FHAD1: variants seen among roughly 807,000 people sequenced by gnomAD.
FHAD1 encodes the protein forkhead-associated domain-containing protein 1.
Under a neutral mutation model 191.3 loss-of-function variants are expected in FHAD1, and 146 were observed. The ratio of observed to expected loss-of-function variants is 0.76; its 90% CI spans 0.67 to 0.88. The LOEUF is 0.88. Among genes scored for constraint, FHAD1 ranks in the 40% least tolerant of loss-of-function variants. The probability of loss-of-function intolerance (pLI) is 0.00; values close to 1 mark genes in which losing one functional copy is unlikely to be tolerated. For missense variants in FHAD1, 1,635 were observed against 1,785.8 expected (o/e 0.92, Z 1.52); for synonymous variants, 616 against 672.3 (o/e 0.92, Z 1.29).
intron 1 of FHAD1, among the ~76,000 whole-genome samples, chr1:15,249,895 G>T (rs1031554867): frequency 2.0e-5 from 3 of 152,122 alleles, no homozygotes; most frequent in Non-Finnish European, 4.4e-5. Flanking sequence ...CAATCTCCCT[G>T]CCCGAATGCT....
intron 2 of FHAD1, among the ~76,000 whole-genome samples, chr1:15,260,049 T>A (rs1291650928): frequency 7.2e-5 from 11 of 152,196 alleles, no homozygotes; most frequent in African/African-American, 2.7e-4. Context: ...TGGAACCCCC[T>A]CCTCAAAAGG....
At chr1:15,315,700 G>A (rs941211970) in intron 8 of FHAD1, among the ~76,000 whole-genome samples, 1 of 151,886 alleles carries the variant, frequency 6.6e-6, no homozygotes. Flanking sequence ...GTTAGCCAGG[G>A]TGGTCTCAAT....
At chr1:15,319,129 C>T (rs191442112) in intron 10 of FHAD1, among the ~76,000 whole-genome samples, 4 of 152,268 alleles carry the variant, frequency 2.6e-5, no homozygotes, top group Non-Finnish European at 5.9e-5. Flanking sequence ...CACGCCCAAC[C>T]ACAACTGAGA....
At chr1:15,263,024 G>A (rs1651796351) in intron 2 of FHAD1, among the ~76,000 whole-genome samples, 1 of 152,068 alleles carries the variant, frequency 6.6e-6, no homozygotes, top group Non-Finnish European at 1.5e-5. Context: ...ATCTCCTTGT[G>A]GTTTTGATTT....
chr1:15,385,316 T>C (rs1031700515), intron 31 of FHAD1, among the ~76,000 whole-genome samples: 3 of 152,176 alleles, frequency 2.0e-5, no homozygotes, highest in African/African-American at 4.8e-5. Context: ...TCGATTTTTT[T>C]CCACGTCTCC....
At chr1:15,324,174 T>C (rs912729109) in intron 10 of FHAD1, among the ~76,000 whole-genome samples, 2 of 152,198 alleles carry the variant, frequency 1.3e-5, no homozygotes, top group Non-Finnish European at 2.9e-5. Context: ...GAAATGACTT[T>C]GCTGAGGTCA....
chr1:15,264,833 T>C (rs931405895), intron 2 of FHAD1, among the ~76,000 whole-genome samples: 1 of 152,198 alleles, frequency 6.6e-6, no homozygotes, highest in Non-Finnish European at 1.5e-5. Context: ...TTTATTATGT[T>C]GATGTAGTTT....
intron 3 of FHAD1, 41 bp downstream of exon 3, chr1:15,272,570 T>C (rs1165069455): frequency 1.3e-6 from 2 of 1,517,952 alleles, no homozygotes; most frequent in Non-Finnish European, 1.8e-6. Flanking sequence ...CCATGTCGCC[T>C]TCGTGCAGCC....
At chr1:15,281,317 T>G (rs1660514966) in intron 3 of FHAD1, among the ~76,000 whole-genome samples, 1 of 152,138 alleles carries the variant, frequency 6.6e-6, no homozygotes, top group Non-Finnish European at 1.5e-5. Flanking sequence ...TAGGGTAAAA[T>G]TGAGTAAGAT....
At chr1:15,358,905 C>T (rs752157995) in intron 21 of FHAD1, among the ~76,000 whole-genome samples, 5 of 152,076 alleles carry the variant, frequency 3.3e-5, no homozygotes, top group Non-Finnish European at 4.4e-5. Context: ...GGGTGTGGAA[C>T]GTGGTGTAGA....
At chr1:15,367,651 G>T (rs892089827) in intron 25 of FHAD1, 29 bp downstream of exon 25, 6 of 642,910 alleles carry the variant, frequency 9.3e-6, no homozygotes, top group Non-Finnish European at 1.1e-5. Flanking sequence ...GGGTTGGGGG[G>T]ATGGTTTGCC....
At chr1:15,378,460 C>G (rs1700152526) in intron 28 of FHAD1, among the ~76,000 whole-genome samples, 1 of 152,218 alleles carries the variant, frequency 6.6e-6, no homozygotes, top group African/African-American at 2.4e-5. Context: ...ATCGAACCTG[C>G]AGCCTGGACT....
rs371335103 is a variant in FHAD1, at chr1:15,382,029, C to G, written c.4024C>G (p.Arg1342Gly). ...ACGCCATCTCTCCTGTGCACCCAGG[C>G]GGAGCAAAGTGTCCATTGAGATGTA... Reference protein sequence around the residue: ...GYEKDVEQLRRSKVSIEMYQS... With the variant: ...GYEKDVEQLRGSKVSIEMYQS... Residue 1342 changes from arginine to glycine, a missense_variant and splice_region_variant, in exon 31 of 34, where the codon CGG (arginine) becomes GGG (glycine). By Grantham distance (125) the Arg-to-Gly change is moderately radical. Coordinates refer to ENST00000688493, the MANE Select transcript of FHAD1 (RefSeq NM_001391957.1). 1.9e-6 allele frequency: 3 copies of G among 1,551,888 alleles called. No homozygotes were observed. Among genetic ancestry groups the G allele is most frequent in the Middle Eastern group, 3.3e-4 (2 of 5,996 alleles).
rs973199624 is a variant in FHAD1 at position 15,311,940 on chromosome 1, G to A, written c.1040-1117G>A. On this transcript the variant is annotated intron_variant, in intron 7 of 33. Transcript: ENST00000688493. The surrounding 1 kb of genome is among the most constrained non-coding windows in gnomAD (Gnocchi z 4.1). ...GTCATGTCATCTAAAGCCCGACTAGGGCTCGAGGATCCCCTTCTGGAATGA... is the reference window on the plus strand; with the variant it reads ...GTCATGTCATCTAAAGCCCGACTAGAGCTCGAGGATCCCCTTCTGGAATGA... Among the ~76,000 whole-genome samples, 2 of 152,186 alleles carry A rather than the reference G, an allele frequency of 1.3e-5. No homozygotes were observed. The highest frequency in any genetic ancestry group is 4.8e-5 in the African/African-American group (2 of 41,442).
At position 15,360,559 on chromosome 1, in the gene FHAD1, T is replaced by C. The variant is rs1048098355; in HGVS notation, c.2818T>C (p.Phe940Leu). 14 of 1,551,746 alleles carry C rather than the reference T, an allele frequency of 9.0e-6. No individual in the cohort carries two copies. In the African/African-American group the frequency reaches 1.8e-4, roughly 20 times the overall value. ...TGAGCAGGAATCACAGAGACACGGG[T>C]TTGAAGAAGAGATCATGGAATATAA... ...QDEQESQRHG[F>L]EEEIMEYKEQ... The change falls in exon 22 of 34, where the codon TTT becomes CTT. Residue 940 changes from phenylalanine (F) to leucine (L), a missense_variant. Physicochemically the swap from Phe to Leu is conservative, Grantham distance 22. Transcript: ENST00000688493.
In FHAD1 at chr1:15,304,394, A is replaced by G. The variant is rs562520592; in HGVS notation, c.915+2953A>G. 1.1e-4 allele frequency among the ~76,000 whole-genome samples: 17 copies of G among 152,364 alleles called. No individual in the cohort carries two copies. The South Asian group carries it at 1.9e-3, about 17-fold the overall frequency. ...TCATGAAATTGATGAAGATGTTTGA[A>G]GACTACTTGGAGTTTTCCCACAGTC... On this transcript the variant is annotated intron_variant, in intron 6 of 33. Coordinates refer to ENST00000688493, the MANE Select transcript of FHAD1 (RefSeq NM_001391957.1).
intron 6 of FHAD1, among the ~76,000 whole-genome samples, chr1:15,302,016 AAAAG>A (rs1313639854): frequency 1.3e-5 from 2 of 152,116 alleles, no homozygotes; most frequent in East Asian, 1.9e-4. Flanking sequence ...CCCTGTCTCA[AAAAG>A]AAAGAAAGAA....
Position 15,318,005 on chromosome 1 carries a change from T to A in FHAD1, c.1365+77T>A. The stretch of plus-strand genomic sequence containing the variant: ...TCATCATCCCTGTTAGTCCTCTAAG[T>A]GGACTATGCTGGTATTAACCCTTCT... On this transcript the variant is annotated intron_variant, in intron 10 of 33. Transcript: ENST00000688493. The surrounding 1 kb of genome is among the most constrained non-coding windows in gnomAD (Gnocchi z 4.1). The A allele has an allele frequency of 8.9e-6, 8 of 898,390 alleles. No homozygotes were observed. The highest frequency in any genetic ancestry group is 1.1e-5 in the Non-Finnish European group (6 of 564,690). 55.7% of individuals were successfully genotyped at this position (898,390 alleles called of 1,614,324 possible). A position where few individuals can be genotyped will look rare whatever the true frequency, so the allele number is the denominator to read the frequency against.
intron 14 of FHAD1, among the ~76,000 whole-genome samples, chr1:15,335,798 G>A (rs1354125728): frequency 7.9e-5 from 12 of 152,290 alleles, no homozygotes; most frequent in Non-Finnish European, 1.5e-4. Flanking sequence ...TATGATTACA[G>A]TTAGTCATCT....
Sources: allele counts gnomAD v4.1 joint callset (sites outside exome capture counted in the v4.1 genomes callset), GRCh38; gene constraint gnomAD v4.1.1; non-coding constraint Gnocchi (gnomAD v3.1); transcripts MANE v1.5; gene names NCBI Gene and HGNC (gene_info 2026-07-23, HGNC 2026-07-21).